The following MECOM variants were observed in gnomAD, a reference collection of about 807,000 sequenced individuals.
MECOM encodes MDS1 and EVI1 complex locus.
In MECOM, 13 loss-of-function variants were observed where a neutral mutation model predicts 116.3. The observed-to-expected ratio is 0.11, with a 90% CI of 0.07 to 0.18. The LOEUF is 0.18. Ranked by LOEUF, MECOM falls within the 10% of genes least tolerant of loss-of-function variation. The probability of loss-of-function intolerance (pLI) is 1.00; values close to 1 mark genes in which losing one functional copy is unlikely to be tolerated. For missense variants in MECOM, 1,299 were observed against 1,509.0 expected, an observed-to-expected ratio of 0.86 and a Z score of 2.31; for synonymous variants, 528 against 535.2, an observed-to-expected ratio of 0.99 and a Z score of 0.19.
chr3:169,512,369 G>A (rs1578308826), intron 1 of MECOM, among the ~76,000 whole-genome samples: 1 of 152,142 alleles, frequency 6.6e-6, no homozygotes, highest in East Asian at 1.9e-4. Flanking sequence ...GAATTGTTCA[G>A]ACTTAGCCCT....
At position 169,123,303 on chromosome 3, in the gene MECOM, A is replaced by ATGTGTG. The variant is rs34615103; in HGVS notation, c.831-582_831-577dup. 4.3e-3 allele frequency among the ~76,000 whole-genome samples: 629 copies of ATGTGTG among 147,580 alleles called. 1 individual carries two copies. Among genetic ancestry groups the ATGTGTG allele is most frequent in the Non-Finnish European group, 6.3e-3 (422 of 66,730 alleles). The stretch of plus-strand genomic sequence containing the variant: ...GACTGATGCATGGATATATGCATGG[A>ATGTGTG]TGTGTGTGTGTGTGTGTGTGTGTAT... On this transcript the variant is annotated intron_variant, in intron 5 of 16. Transcript: ENST00000651503.
At chr3:169,291,939 A>G (rs1178352970) in intron 2 of MECOM, among the ~76,000 whole-genome samples, 1 of 152,186 alleles carries the variant, frequency 6.6e-6, no homozygotes, top group African/African-American at 2.4e-5. Flanking sequence ...AAGAGCTGAT[A>G]TTTGTTTCAA....
At chr3:169,215,630 G>A (rs1751329755) in intron 2 of MECOM, among the ~76,000 whole-genome samples, 2 of 152,104 alleles carry the variant, frequency 1.3e-5, no homozygotes, top group Non-Finnish European at 2.9e-5. Context: ...AAAACTAAAT[G>A]TGATTCCTTT....
At chr3:169,487,596 A>G (rs1752558462) in intron 1 of MECOM, among the ~76,000 whole-genome samples, 1 of 152,124 alleles carries the variant, frequency 6.6e-6, no homozygotes, top group Non-Finnish European at 1.5e-5. Flanking sequence ...GGAGAAAGAA[A>G]AACAAGTAGA....
At chr3:169,126,753 T>A (rs1174557636) in intron 5 of MECOM, among the ~76,000 whole-genome samples, 5 of 151,904 alleles carry the variant, frequency 3.3e-5, no homozygotes. Flanking sequence ...CTAGATGAAA[T>A]CCTTTCCTAA....
At chr3:169,097,659 C>G (rs889516158) in intron 12 of MECOM, among the ~76,000 whole-genome samples, 1 of 151,618 alleles carries the variant, frequency 6.6e-6, no homozygotes, top group Non-Finnish European at 1.5e-5. Flanking sequence ...ATCAAGGACA[C>G]AGAGATGAGT....
At chr3:169,350,762 G>A (rs1726186304) in intron 2 of MECOM, among the ~76,000 whole-genome samples, 1 of 151,372 alleles carries the variant, frequency 6.6e-6, no homozygotes, top group East Asian at 1.9e-4. Flanking sequence ...ATCTCTATCG[G>A]ATGGTAAAGT....
chr3:169,159,565 T>A (rs1317684792), intron 2 of MECOM, among the ~76,000 whole-genome samples: 3 of 151,866 alleles, frequency 2.0e-5, no homozygotes, highest in Admixed American at 2.0e-4. Context: ...CTCAAAAAAA[T>A]AAATAAATAA....
At chr3:169,216,355 G>A (rs965437523) in intron 2 of MECOM, among the ~76,000 whole-genome samples, 1 of 152,078 alleles carries the variant, frequency 6.6e-6, no homozygotes, top group African/African-American at 2.4e-5. Context: ...CTTATTTCAA[G>A]CCTATGGGAT....
rs1349602701 is a variant in MECOM at position 169,474,495 on chromosome 3, C to T, written c.38-92971G>A. On this transcript the variant is annotated intron_variant, in intron 1 of 16. Transcript: ENST00000651503. Reference sequence around the variant, plus strand: ...GGTTGATGGGACAGTTTTATTGCAACAGCTTAATTTTTATCAATATTATAT... The same window carrying T: ...GGTTGATGGGACAGTTTTATTGCAATAGCTTAATTTTTATCAATATTATAT... 2.0e-5 allele frequency among the ~76,000 whole-genome samples: 3 copies of T among 152,048 alleles called. No individual in the cohort carries two copies. The East Asian group carries it at 5.8e-4, about 29-fold the overall frequency.
intron 1 of MECOM, among the ~76,000 whole-genome samples, chr3:169,648,028 G>A (rs143818096): frequency 4.6e-5 from 7 of 152,114 alleles, no homozygotes; most frequent in Admixed American, 2.0e-4. Context: ...TTCAAGGCAG[G>A]GAGGGCTCAA....
intron 2 of MECOM, among the ~76,000 whole-genome samples, chr3:169,219,609 T>A (rs1751861689): frequency 6.6e-6 from 1 of 152,172 alleles, no homozygotes; most frequent in Non-Finnish European, 1.5e-5. Context: ...GGATGCTATA[T>A]ATACACCACT....
At chr3:169,297,041 T>C (rs1388691110) in intron 2 of MECOM, among the ~76,000 whole-genome samples, 1 of 152,220 alleles carries the variant, frequency 6.6e-6, no homozygotes, top group Non-Finnish European at 1.5e-5. Context: ...CTTTCAACAA[T>C]TTGGAGCAAT....
chr3:169,148,653 A>G (rs552722810), intron 2 of MECOM, among the ~76,000 whole-genome samples: 10 of 152,316 alleles, frequency 6.6e-5, no homozygotes, highest in African/African-American at 2.2e-4. Flanking sequence ...GAGGGGCTGG[A>G]AAGTGTGCTG....
chr3:169,663,198 G>A, intron 1 of MECOM, 138 bp downstream of exon 1: 1 of 959,264 alleles, frequency 1.0e-6, no homozygotes, highest in Non-Finnish European at 1.6e-6. Context: ...GCAGGTTGCT[G>A]GGGCTGCGCT....
At chr3:169,115,221 T>G (rs16853174) in intron 8 of MECOM, among the ~76,000 whole-genome samples, 162 bp downstream of exon 8, 3,420 of 152,260 alleles carry the variant, frequency 0.022, 47 homozygotes, top group South Asian at 0.068. Flanking sequence ...TCAAACAGAA[T>G]GATCCAACTT....
intron 1 of MECOM, among the ~76,000 whole-genome samples, chr3:169,401,003 G>T (rs1735801951): frequency 6.6e-6 from 1 of 152,168 alleles, no homozygotes; most frequent in African/African-American, 2.4e-5. Context: ...ACACCACAGT[G>T]CCATACCCTG....
At chr3:169,485,882 TATGTATATATA>T (rs199573088) in intron 1 of MECOM, among the ~76,000 whole-genome samples, 48 of 125,538 alleles carry the variant, frequency 3.8e-4, no homozygotes, top group Non-Finnish European at 6.5e-4. Context: ...TATGTATATA[TATGTATATATA>T]GTATATATAG....
At chr3:169,606,408 CAA>C (rs774934955) in intron 1 of MECOM, among the ~76,000 whole-genome samples, 19 of 110,432 alleles carry the variant, frequency 1.7e-4, no homozygotes, top group Non-Finnish European at 1.4e-4. Flanking sequence ...GTCTTCGTCT[CAA>C]AAAAAAAAAA....
Sources: allele counts gnomAD v4.1 joint callset (sites outside exome capture counted in the v4.1 genomes callset), GRCh38; gene constraint gnomAD v4.1.1; transcripts MANE v1.5; gene names NCBI Gene and HGNC (gene_info 2026-07-23, HGNC 2026-07-21).